The following EPHA5 variants were observed in gnomAD, a reference collection of about 807,000 sequenced individuals.
EPHA5 encodes EPH receptor A5, also known as ephrin type-A receptor 5.
A neutral mutation model predicts 105.0 loss-of-function variants in EPHA5; 60 were observed. That is an observed-to-expected ratio of 0.57 (90% CI 0.46 to 0.71). EPHA5 has a LOEUF of 0.71. EPHA5 is among the 30% of genes least tolerant of loss of function. EPHA5 has a pLI of 0.00. For synonymous variants in EPHA5, 513 were observed against 449.1 expected, an observed-to-expected ratio of 1.14 and a Z score of -1.80; for missense variants, 1,218 against 1,274.7, an observed-to-expected ratio of 0.96 and a Z score of 0.68.
chr4:65,443,383 A>C (rs1412372469), intron 5 of EPHA5, among the ~76,000 whole-genome samples: 1 of 151,750 alleles, frequency 6.6e-6, no homozygotes, highest in Non-Finnish European at 1.5e-5. Context: ...ATATTTCAAC[A>C]GAGGGCATTT....
Position 65,582,474 on chromosome 4 carries a change from G to GAAAA in EPHA5, c.910+19163_910+19166dup, listed in dbSNP as rs35859138. ...GACACCAAAAGGGACTAGCAATTGG[G>GAAAA]AAAAAAAAAAAAAAGAAAATCCAGA... is the stretch of plus-strand genomic sequence containing the variant. On this transcript the variant is annotated intron_variant, in intron 3 of 16. Transcript: ENST00000613740. Among the ~76,000 whole-genome samples the GAAAA allele has an allele frequency of 8.7e-4, 121 of 139,488 alleles. 2 individuals carry two copies. Among genetic ancestry groups the GAAAA allele is most frequent in the South Asian group, 5.4e-3 (24 of 4,450 alleles). 91.5% of individuals were successfully genotyped at this position (139,488 alleles called of 152,430 possible).
chr4:65,603,518 T>C (rs1450381025), intron 2 of EPHA5, among the ~76,000 whole-genome samples: 1 of 152,088 alleles, frequency 6.6e-6, no homozygotes, highest in African/African-American at 2.4e-5. Context: ...GACATGAAAT[T>C]AAATATAGCA....
chr4:65,476,127 A>AGAGAGAGTGTGTGT (rs1425495059), intron 5 of EPHA5, among the ~76,000 whole-genome samples: 10 of 119,106 alleles, frequency 8.4e-5, no homozygotes, highest in African/African-American at 2.5e-4. Flanking sequence ...AGAGAGAGAG[A>AGAGAGAGTGTGTGT]GTGTGTGTGT....
chr4:65,582,705 G>C (rs1263676014), intron 3 of EPHA5, among the ~76,000 whole-genome samples: 2 of 151,636 alleles, frequency 1.3e-5, no homozygotes, highest in Non-Finnish European at 3.0e-5. Context: ...ACTTGCAGCT[G>C]TGTTGTGTGT....
intron 3 of EPHA5, among the ~76,000 whole-genome samples, chr4:65,552,909 G>A (rs886690767): frequency 2.0e-5 from 3 of 151,778 alleles, no homozygotes; most frequent in Non-Finnish European, 4.4e-5. Flanking sequence ...ACATTTCCCA[G>A]GGCATATTAA....
intron 3 of EPHA5, among the ~76,000 whole-genome samples, chr4:65,588,814 C>T (rs968914124): frequency 2.0e-5 from 3 of 152,178 alleles, no homozygotes; most frequent in African/African-American, 4.8e-5. Context: ...CCTGGTCGGA[C>T]GGTACCAGGT....
intron 3 of EPHA5, among the ~76,000 whole-genome samples, chr4:65,516,770 A>G (rs1384297116): frequency 6.6e-6 from 1 of 152,112 alleles, no homozygotes; most frequent in Non-Finnish European, 1.5e-5. Context: ...TTGCCTTATT[A>G]CAATGTCTTT....
intron 5 of EPHA5, among the ~76,000 whole-genome samples, chr4:65,436,347 A>G (rs1015739911): frequency 2.0e-5 from 3 of 150,338 alleles, no homozygotes; most frequent in African/African-American, 7.3e-5. Flanking sequence ...TAGTGCTATA[A>G]ACAGACACAC....
rs193118100 is a variant in EPHA5 at position 65,520,172 on chromosome 4, A to G, written c.911-24629T>C. On this transcript the variant is annotated intron_variant, in intron 3 of 16. Coordinates refer to ENST00000613740, the MANE Select transcript of EPHA5 (RefSeq NM_001281766.3). ...CCAAAACAGCATGGTACTGGTACCAACACAGAGATATAGACCAATGGAACA... is the reference window on the plus strand; with the variant it reads ...CCAAAACAGCATGGTACTGGTACCAGCACAGAGATATAGACCAATGGAACA... 2.6e-4 allele frequency among the ~76,000 whole-genome samples: 39 copies of G among 152,286 alleles called. No homozygotes were observed. In the East Asian group the frequency reaches 7.3e-3, roughly 29 times the overall value.
intron 7 of EPHA5, among the ~76,000 whole-genome samples, chr4:65,409,983 T>C (rs1722765108): frequency 6.6e-6 from 1 of 152,168 alleles, no homozygotes; most frequent in Non-Finnish European, 1.5e-5. Flanking sequence ...GATAGAGCCG[T>C]TTTGGAAAAC....
chr4:65,555,745 G>C (rs1195248239), intron 3 of EPHA5, among the ~76,000 whole-genome samples: 2 of 142,752 alleles, frequency 1.4e-5, no homozygotes, highest in African/African-American at 6.1e-5. Flanking sequence ...TAAAAATCAT[G>C]AGGCCAAACT....
At chr4:65,653,409 A>T (rs1366887706) in intron 1 of EPHA5, among the ~76,000 whole-genome samples, 1 of 152,126 alleles carries the variant, frequency 6.6e-6, no homozygotes, top group Non-Finnish European at 1.5e-5. Flanking sequence ...ATCATTAAAA[A>T]CTAGTCAAAA....
intron 3 of EPHA5, among the ~76,000 whole-genome samples, chr4:65,600,517 G>C (rs1370627262): frequency 6.6e-6 from 1 of 152,106 alleles, no homozygotes; most frequent in Non-Finnish European, 1.5e-5. Flanking sequence ...ATAATTTACA[G>C]GTAATTTCCC....
intron 8 of EPHA5, among the ~76,000 whole-genome samples, chr4:65,396,189 T>G (rs1721218049): frequency 6.6e-6 from 1 of 152,214 alleles, no homozygotes; most frequent in African/African-American, 2.4e-5. Context: ...GCTTGGGCAC[T>G]GTTAAAACCT....
intron 3 of EPHA5, among the ~76,000 whole-genome samples, chr4:65,549,582 A>G (rs1175008702): frequency 1.3e-5 from 2 of 152,160 alleles, no homozygotes; most frequent in Non-Finnish European, 2.9e-5. Context: ...AAAGTAACAA[A>G]TAACATTTTT....
chr4:65,377,864 AT>A (rs755660048), intron 8 of EPHA5, among the ~76,000 whole-genome samples: 14 of 151,966 alleles, frequency 9.2e-5, no homozygotes, highest in Non-Finnish European at 1.9e-4. Flanking sequence ...TAGTGCTTCA[AT>A]GCATTCAATT....
chr4:65,568,603 T>C (rs1739803838), intron 3 of EPHA5, among the ~76,000 whole-genome samples: 1 of 151,098 alleles, frequency 6.6e-6, no homozygotes, highest in Non-Finnish European at 1.5e-5. Flanking sequence ...CATTAAAGGA[T>C]AAATGAGCAA....
intron 3 of EPHA5, among the ~76,000 whole-genome samples, chr4:65,528,679 TA>T (rs1239059328): frequency 1.3e-5 from 2 of 152,198 alleles, no homozygotes; most frequent in African/African-American, 4.8e-5. Context: ...TGTTTCATGT[TA>T]TTTTTTTTCC....
chr4:65,419,925 A>G (rs1211345089), intron 6 of EPHA5, among the ~76,000 whole-genome samples: 6 of 152,190 alleles, frequency 3.9e-5, no homozygotes, highest in Non-Finnish European at 7.3e-5. Context: ...AATATAGGGA[A>G]CGTGATGCAT....
Sources: gnomAD v4.1 joint callset for allele counts (sites outside exome capture counted in the v4.1 genomes callset) on GRCh38, gnomAD v4.1.1 for gene constraint, MANE v1.5 for transcripts, NCBI Gene and HGNC (gene_info 2026-07-23, HGNC 2026-07-21) for gene names.